CLTCL1: variants seen among roughly 807,000 people sequenced by gnomAD.
CLTCL1 encodes the protein clathrin heavy chain like 1.
A neutral mutation model predicts 190.0 loss-of-function variants in CLTCL1; 159 were observed. That is an observed-to-expected ratio of 0.84 (90% CI 0.74 to 0.95). CLTCL1 has a LOEUF of 0.95. Among genes scored for constraint, CLTCL1 ranks in the 40% least tolerant of loss-of-function variants. CLTCL1 has a pLI of 0.00. For missense variants in CLTCL1, 1,878 were observed against 2,033.4 expected (o/e 0.92, Z 1.47); for synonymous variants, 752 against 769.6 (o/e 0.98, Z 0.38).
rs116779872 is a variant in CLTCL1 at position 19,275,159 on chromosome 22, G to A, written c.250+464C>T. Among the ~76,000 whole-genome samples, 151 of 152,274 alleles carry A rather than the reference G, an allele frequency of 9.9e-4. 2 individuals carry two copies. Among genetic ancestry groups the A allele is most frequent in the African/African-American group, 3.5e-3 (145 of 41,552 alleles). On this transcript the variant is annotated intron_variant, in intron 2 of 32. Coordinates refer to ENST00000427926, the MANE Select transcript of CLTCL1 (RefSeq NM_007098.4). ...TCTATATTTTTCAAGATAACTAGAA[G>A]GCTTTAAGCACCCAAGACTCCCTGA... is the stretch of plus-strand genomic sequence containing the variant.
intron 3 of CLTCL1, among the ~76,000 whole-genome samples, chr22:19,243,218 C>T (rs1193588602): frequency 3.9e-5 from 6 of 152,104 alleles, no homozygotes; most frequent in African/African-American, 1.4e-4. Context: ...GAAAGTAACT[C>T]GTGCACTTTG....
chr22:19,232,150 G>C (rs375575244), intron 10 of CLTCL1, among the ~76,000 whole-genome samples: 74 of 152,280 alleles, frequency 4.9e-4, no homozygotes, highest in African/African-American at 1.6e-3. Flanking sequence ...AATGGTCAGG[G>C]AGAGACAATG....
At chr22:19,199,930 G>T in intron 23 of CLTCL1, 89 bp from the exon 24 acceptor site, 1 of 769,528 alleles carries the variant, frequency 1.3e-6, no homozygotes. Context: ...TGCAAATGCA[G>T]AAATACCAGC....
In CLTCL1 at chr22:19,233,164, AC is replaced by A; in HGVS notation, c.1521+1del. 1 of 1,611,382 alleles carries A rather than the reference AC, an allele frequency of 6.2e-7. No homozygotes were observed. Among genetic ancestry groups the A allele is most frequent in the Non-Finnish European group, 8.5e-7 (1 of 1,177,714 alleles). ...AGATGCCAGTGGTTCAACACACGTTACCTTTTTGGCATAGAGCACAATTTTC... is the reference window on the plus strand; with the variant it reads ...AGATGCCAGTGGTTCAACACACGTTACTTTTTGGCATAGAGCACAATTTTC... On this transcript the variant is annotated splice_donor_variant, in intron 9 of 32. Coordinates refer to ENST00000427926, the MANE Select transcript of CLTCL1 (RefSeq NM_007098.4). LOFTEE classifies it high-confidence loss of function.
At chr22:19,227,935 T>C (rs1025033600) in intron 11 of CLTCL1, among the ~76,000 whole-genome samples, 4 of 152,210 alleles carry the variant, frequency 2.6e-5, no homozygotes, top group Non-Finnish European at 4.4e-5. Flanking sequence ...TAAGACTGGA[T>C]AGGTCAACAC....
intron 20 of CLTCL1, among the ~76,000 whole-genome samples, chr22:19,209,947 AG>A (rs2085166242): frequency 6.6e-6 from 1 of 151,968 alleles, no homozygotes; most frequent in Non-Finnish European, 1.5e-5. Flanking sequence ...TGGGGAGTAT[AG>A]GGGGTGAGTA....
chr22:19,281,724 G>T (rs1555986830), intron 1 of CLTCL1, among the ~76,000 whole-genome samples: 1 of 152,092 alleles, frequency 6.6e-6, no homozygotes, highest in African/African-American at 2.4e-5. Context: ...CTCAGTTTGG[G>T]GATCGATGTT....
Position 19,180,834 on chromosome 22 carries a change from C to A in CLTCL1, c.4828-28G>T, listed in dbSNP as rs186957622. 3.9e-3 allele frequency: 6,262 copies of A among 1,608,774 alleles called. 25 individuals carry two copies. Among genetic ancestry groups the A allele is most frequent in the Non-Finnish European group, 4.0e-3 (4,656 of 1,175,350 alleles). ...GCAAGGAGGCAAAAGCACGTGAGCA[C>A]CCGCTTGACAGAGTGCAGTCCGGCC... On this transcript the variant is annotated intron_variant, in intron 30 of 32. Coordinates refer to ENST00000427926, the MANE Select transcript of CLTCL1 (RefSeq NM_007098.4).
chr22:19,262,631 CAAAA>C (rs35467856), intron 2 of CLTCL1, among the ~76,000 whole-genome samples: 1 of 137,178 alleles, frequency 7.3e-6, no homozygotes, highest in African/African-American at 2.7e-5. Flanking sequence ...GACTCTGTCT[CAAAA>C]AAAAAAAAAA....
chr22:19,272,319 A>C (rs2087346924), intron 2 of CLTCL1, among the ~76,000 whole-genome samples: 1 of 152,218 alleles, frequency 6.6e-6, no homozygotes, highest in Non-Finnish European at 1.5e-5. Flanking sequence ...GAGACTGGGT[A>C]CTGGGTAAGT....
intron 22 of CLTCL1, chr22:19,207,698 C>T: frequency 2.1e-6 from 1 of 474,348 alleles, no homozygotes; most frequent in Non-Finnish European, 3.7e-6. Flanking sequence ...CTCCTCATTG[C>T]TTGCATTACT....
intron 2 of CLTCL1, among the ~76,000 whole-genome samples, chr22:19,256,667 A>ATT (rs1160788962): frequency 0.066 from 9,028 of 136,956 alleles, 330 homozygotes; most frequent in Middle Eastern, 0.17. Context: ...CTAATTTTTA[A>ATT]TTTTTTTTTT....
rs141209373 is a variant in CLTCL1, at chr22:19,288,284, T to C, written c.42+3316A>G. Among the ~76,000 whole-genome samples, 375 of 152,334 alleles carry C rather than the reference T, an allele frequency of 2.5e-3. 1 individual carries two copies. Among genetic ancestry groups the C allele is most frequent in the African/African-American group, 8.5e-3 (352 of 41,582 alleles). On this transcript the variant is annotated intron_variant, in intron 1 of 32. Transcript: ENST00000427926. ...TCTGTTTTATTATTAGTTATCATTG[T>C]TAATCTCTTACTGTGCTTAACATAA... is the stretch of plus-strand genomic sequence containing the variant.
At chr22:19,228,984 G>C (rs1379362847) in intron 11 of CLTCL1, among the ~76,000 whole-genome samples, 1 of 152,192 alleles carries the variant, frequency 6.6e-6, no homozygotes, top group African/African-American at 2.4e-5. Context: ...GCATTGCTGG[G>C]AAGAATATAA....
intron 22 of CLTCL1, among the ~76,000 whole-genome samples, chr22:19,207,109 C>G (rs1382178986): frequency 6.6e-6 from 1 of 150,938 alleles, no homozygotes; most frequent in Non-Finnish European, 1.5e-5. Flanking sequence ...CTCCATCTCC[C>G]GGATTCAAGC....
chr22:19,290,068 A>G (rs1334953745), intron 1 of CLTCL1, among the ~76,000 whole-genome samples: 2 of 152,252 alleles, frequency 1.3e-5, no homozygotes, highest in Non-Finnish European at 2.9e-5. Context: ...ACAAGCCACA[A>G]GCATTTTCCA....
In CLTCL1 at chr22:19,187,997, T is replaced by A. The variant is rs781978796; in HGVS notation, c.4418A>T (p.Glu1473Val). 1 of 1,613,928 alleles carries A rather than the reference T, an allele frequency of 6.2e-7. No homozygotes were observed. Among genetic ancestry groups the A allele is most frequent in the South Asian group, 1.1e-5 (1 of 91,086 alleles). The part of the protein sequence containing the change: ...VNEALNHLLT[E>V]EEDYQGLRAS... ...CACACCCACCTGATAGTCCTCCTCC[T>A]CTGTCAGCAGGTGGTTGAGTGCCTC... The change falls in exon 28 of 33, where the codon GAG becomes GTG. Residue 1473 changes from glutamate (E) to valine (V), a missense_variant. Transcript: ENST00000427926.
intron 2 of CLTCL1, among the ~76,000 whole-genome samples, chr22:19,269,447 A>T (rs1432752449): frequency 6.6e-6 from 1 of 152,062 alleles, no homozygotes; most frequent in African/African-American, 2.4e-5. Context: ...CAGCAATTCT[A>T]CTCCACCCAA....
intron 2 of CLTCL1, among the ~76,000 whole-genome samples, chr22:19,271,706 A>G (rs1490985298): frequency 6.6e-6 from 1 of 152,182 alleles, no homozygotes; most frequent in African/African-American, 2.4e-5. Context: ...AAAATTGACA[A>G]TATCACACCT....
Sources: allele counts gnomAD v4.1 joint callset (sites outside exome capture counted in the v4.1 genomes callset), GRCh38; gene constraint gnomAD v4.1.1; transcripts MANE v1.5; gene names NCBI Gene and HGNC (gene_info 2026-07-23, HGNC 2026-07-21).